NBEA: variants seen among roughly 807,000 people sequenced by gnomAD.
NBEA encodes neurobeachin.
In NBEA, 44 loss-of-function variants were observed where a neutral mutation model predicts 343.4. The observed-to-expected ratio is 0.13, with a 90% CI of 0.10 to 0.16. NBEA has a LOEUF of 0.16. Ranked by LOEUF, NBEA falls within the 10% of genes least tolerant of loss-of-function variation. The probability of loss-of-function intolerance (pLI) is 1.00; values close to 1 mark genes in which losing one functional copy is unlikely to be tolerated. For synonymous variants in NBEA, 1,175 were observed against 1,238.7 expected, an observed-to-expected ratio of 0.95 and a Z score of 1.08; for missense variants, 2,555 against 3,631.3, an observed-to-expected ratio of 0.70 and a Z score of 7.62.
chr13:35,258,271 G>A (rs549835675), intron 34 of NBEA, among the ~76,000 whole-genome samples: 1 of 151,488 alleles, frequency 6.6e-6, no homozygotes, highest in African/African-American at 2.4e-5. Context: ...GTGTTCAAGC[G>A]ATTCTCCTGC....
At chr13:34,970,753 C>T (rs1275899864) in intron 1 of NBEA, among the ~76,000 whole-genome samples, 1 of 151,922 alleles carries the variant, frequency 6.6e-6, no homozygotes, top group Non-Finnish European at 1.5e-5. Flanking sequence ...CTTGTGCCAA[C>T]ACCATGCTGT....
At chr13:35,244,496 A>G (rs969829203) in intron 34 of NBEA, among the ~76,000 whole-genome samples, 5 of 151,990 alleles carry the variant, frequency 3.3e-5, no homozygotes, top group Non-Finnish European at 5.9e-5. Flanking sequence ...TACCAGTACC[A>G]TGCTGTTTTC....
chr13:35,240,414 C>T (rs1177793528), intron 34 of NBEA, among the ~76,000 whole-genome samples: 1 of 151,636 alleles, frequency 6.6e-6, no homozygotes, highest in Non-Finnish European at 1.5e-5. Context: ...AATAGAGAGA[C>T]AGCTAGACAA....
intron 38 of NBEA, among the ~76,000 whole-genome samples, chr13:35,353,351 C>T (rs1459061083): frequency 6.6e-6 from 1 of 151,948 alleles, no homozygotes; most frequent in Admixed American, 6.6e-5. Context: ...ACAAGAATTG[C>T]TTGAACCCAG....
At chr13:35,290,324 ATT>A (rs1446383191) in intron 34 of NBEA, 63 bp from the exon 35 acceptor site, 4 of 1,018,102 alleles carry the variant, frequency 3.9e-6, no homozygotes, top group Non-Finnish European at 6.2e-6. Flanking sequence ...TATATAATGA[ATT>A]AACTCAGAAT....
chr13:35,011,691 G>A (rs765980617), intron 1 of NBEA, among the ~76,000 whole-genome samples: 24 of 151,996 alleles, frequency 1.6e-4, no homozygotes, highest in Non-Finnish European at 2.8e-4. Flanking sequence ...TAATGATCTC[G>A]TACTACTCCT....
At chr13:35,394,056 A>G (rs773630475) in intron 38 of NBEA, among the ~76,000 whole-genome samples, 1 of 152,132 alleles carries the variant, frequency 6.6e-6, no homozygotes, top group Admixed American at 6.6e-5. Context: ...GAACTATTTT[A>G]TATCATTGTA....
At chr13:35,121,252 G>A (rs1331053565) in intron 16 of NBEA, among the ~76,000 whole-genome samples, 2 of 151,974 alleles carry the variant, frequency 1.3e-5, no homozygotes, top group African/African-American at 4.8e-5. Context: ...CTACAGGCAT[G>A]TGCCACCACA....
At chr13:35,426,059 T>C (rs2044647854) in intron 38 of NBEA, among the ~76,000 whole-genome samples, 1 of 152,158 alleles carries the variant, frequency 6.6e-6, no homozygotes, top group South Asian at 2.1e-4. Context: ...ATGAGATGGG[T>C]TTTCTGAATA....
chr13:35,150,730 C>A lies in NBEA; in HGVS notation c.2446-5044C>A, dbSNP rs192433632. Among the ~76,000 whole-genome samples, 36 of 151,760 alleles carry A rather than the reference C, an allele frequency of 2.4e-4. 1 individual carries two copies. The highest frequency in any genetic ancestry group is 2.2e-3 in the Admixed American group (34 of 15,254). On this transcript the variant is annotated intron_variant, in intron 18 of 58. Coordinates refer to ENST00000379939, the MANE Select transcript of NBEA (RefSeq NM_001385012.1). ...CAGAATAAATATTACTACAACTCTACGAATGTGTAAGATTAAGTGCAGAAA... is the reference window on the plus strand; with the variant it reads ...CAGAATAAATATTACTACAACTCTAAGAATGTGTAAGATTAAGTGCAGAAA...
chr13:35,267,828 T>TA (rs1218003591), intron 34 of NBEA, among the ~76,000 whole-genome samples: 1,625 of 140,590 alleles, frequency 0.012, 10 homozygotes, highest in Non-Finnish European at 0.016. Flanking sequence ...GGGTACTATT[T>TA]AAAAAAAAAA....
intron 55 of NBEA, among the ~76,000 whole-genome samples, chr13:35,661,717 G>A (rs561079711): frequency 6.6e-6 from 1 of 152,232 alleles, no homozygotes; most frequent in South Asian, 2.1e-4. Flanking sequence ...AATAAATCTT[G>A]AAATCATAGT....
intron 45 of NBEA, among the ~76,000 whole-genome samples, chr13:35,569,897 A>G (rs1477424575): frequency 6.6e-6 from 1 of 152,238 alleles, no homozygotes; most frequent in Non-Finnish European, 1.5e-5. Context: ...ATCTGGTAAC[A>G]TATTTGCTGG....
At chr13:35,501,196 A>T (rs539948740) in intron 41 of NBEA, among the ~76,000 whole-genome samples, 2 of 152,244 alleles carry the variant, frequency 1.3e-5, no homozygotes, top group East Asian at 3.9e-4. Context: ...AAAGCTTTTC[A>T]GAATAAAAGC....
chr13:35,058,597 G>A (rs1389251340), intron 7 of NBEA, 120 bp from the exon 8 acceptor site: 34 of 798,382 alleles, frequency 4.3e-5, no homozygotes, highest in Middle Eastern at 3.8e-4. Context: ...CTTAATTGAT[G>A]CTTTCTTCTA....
chr13:34,956,372 G>A (rs1223187266), intron 1 of NBEA, among the ~76,000 whole-genome samples: 1 of 146,828 alleles, frequency 6.8e-6, no homozygotes, highest in African/African-American at 2.5e-5. Flanking sequence ...CAATGGTTTT[G>A]AAAGTCAGTG....
At chr13:35,288,635 T>A (rs552722463) in intron 34 of NBEA, among the ~76,000 whole-genome samples, 10 of 152,096 alleles carry the variant, frequency 6.6e-5, no homozygotes, top group African/African-American at 2.2e-4. Flanking sequence ...GGGTTTTTTA[T>A]AAGTTCATTT....
At chr13:35,315,609 A>C (rs980472123) in intron 36 of NBEA, among the ~76,000 whole-genome samples, 10 of 152,126 alleles carry the variant, frequency 6.6e-5, no homozygotes, top group Non-Finnish European at 1.5e-4. Context: ...AGAATATAGA[A>C]TTTAATTTTT....
intron 41 of NBEA, among the ~76,000 whole-genome samples, chr13:35,516,019 C>T (rs2152989480): frequency 6.6e-6 from 1 of 152,104 alleles, no homozygotes; most frequent in Non-Finnish European, 1.5e-5. Context: ...GCATGAAATC[C>T]CTTCTGATTA....
Sources: allele counts gnomAD v4.1 joint callset (sites outside exome capture counted in the v4.1 genomes callset), GRCh38; gene constraint gnomAD v4.1.1; transcripts MANE v1.5; gene names NCBI Gene and HGNC (gene_info 2026-07-23, HGNC 2026-07-21).